MYO5B: variants seen among roughly 807,000 people sequenced by gnomAD.
MYO5B encodes unconventional myosin-Vb.
MYO5B carries 143 observed loss-of-function variants against 229.3 expected under a neutral mutation model. The observed-to-expected ratio is 0.62, with a 90% CI of 0.54 to 0.72. The LOEUF (loss-of-function observed/expected upper bound fraction) is 0.72, where lower values mean the gene tolerates loss of function less well. MYO5B is among the 30% of genes least tolerant of loss of function. MYO5B has a pLI of 0.00. For missense variants in MYO5B, 2,321 were observed against 2,331.0 expected (o/e 1.00, Z 0.09); for synonymous variants, 918 against 885.2 (o/e 1.04, Z -0.66).
At chr18:49,881,181 C>T (rs1441802551) in intron 22 of MYO5B, among the ~76,000 whole-genome samples, 1 of 152,206 alleles carries the variant, frequency 6.6e-6, no homozygotes, top group African/African-American at 2.4e-5. Flanking sequence ...ATTGGGTCCA[C>T]ATCAGCTTTC....
intron 16 of MYO5B, among the ~76,000 whole-genome samples, chr18:49,930,446 G>A (rs1159757317): frequency 1.3e-5 from 2 of 152,324 alleles, no homozygotes; most frequent in East Asian, 1.9e-4. Flanking sequence ...GAGTATGGCA[G>A]TGTAGAATAA....
At chr18:50,066,186 C>T (rs1416068565) in intron 1 of MYO5B, among the ~76,000 whole-genome samples, 1 of 152,170 alleles carries the variant, frequency 6.6e-6, no homozygotes, top group Non-Finnish European at 1.5e-5. Context: ...GAATTATTAT[C>T]AGCAAGATAG....
chr18:49,957,142 C>CAAAAAAAAAAAAAAAAAAAAAA lies in MYO5B; in HGVS notation c.1546-2729_1546-2708dup, dbSNP rs71169467. 6.8e-5 allele frequency among the ~76,000 whole-genome samples: 4 copies of CAAAAAAAAAAAAAAAAAAAAAA among 58,718 alleles called. 1 individual carries two copies. Among genetic ancestry groups the CAAAAAAAAAAAAAAAAAAAAAA allele is most frequent in the African/African-American group, 7.9e-5 (1 of 12,600 alleles). The allele number at this position is 58,718 out of a possible 152,430, so 38.5% of individuals were successfully genotyped here. On this transcript the variant is annotated intron_variant, in intron 12 of 39. Transcript: ENST00000285039. ...ACTCCTTGCTAGTAAAATAAAGTAG[C>CAAAAAAAAAAAAAAAAAAAAAA]AAAAAAAAAAAAAAAAAAAAAAAGC...
At chr18:49,863,593 C>A (rs889393633) in intron 28 of MYO5B, among the ~76,000 whole-genome samples, 1 of 152,090 alleles carries the variant, frequency 6.6e-6, no homozygotes, top group Non-Finnish European at 1.5e-5. Context: ...GGAGAGAGCA[C>A]CCAAGTCCAG....
chr18:49,929,978 C>A (rs1366581310), intron 16 of MYO5B, among the ~76,000 whole-genome samples: 2 of 152,172 alleles, frequency 1.3e-5, no homozygotes, highest in Admixed American at 6.5e-5. Context: ...ACTCACTGTC[C>A]CAAGCATATA....
At chr18:50,128,693 C>T (rs746289205) in intron 1 of MYO5B, among the ~76,000 whole-genome samples, 5 of 152,194 alleles carry the variant, frequency 3.3e-5, no homozygotes, top group Non-Finnish European at 7.3e-5. Context: ...GAGAAGGCCA[C>T]GTGCCAGCAC....
chr18:49,928,686 T>C (rs1001031656), intron 17 of MYO5B, among the ~76,000 whole-genome samples: 4 of 152,150 alleles, frequency 2.6e-5, no homozygotes, highest in South Asian at 2.1e-4. Flanking sequence ...ATGTTAATAG[T>C]AGCAGAATTT....
In MYO5B at chr18:49,950,898, C is replaced by T. The variant is rs766574281; in HGVS notation, c.1752+2362G>A. 5.5e-4 allele frequency among the ~76,000 whole-genome samples: 83 copies of T among 152,284 alleles called. 1 individual carries two copies. The highest frequency in any genetic ancestry group is 3.4e-3 in the Middle Eastern group (1 of 294). On this transcript the variant is annotated intron_variant, in intron 14 of 39. Coordinates refer to ENST00000285039, the MANE Select transcript of MYO5B (RefSeq NM_001080467.3). ...TGACCCCTGGCTGGTGTCAGGGGAA[C>T]TTGGATTTTTACCATTCCCTGATAA...
intron 6 of MYO5B, among the ~76,000 whole-genome samples, 156 bp from the exon 7 acceptor site, chr18:49,990,676 T>C (rs931766939): frequency 2.6e-5 from 4 of 152,194 alleles, no homozygotes; most frequent in Non-Finnish European, 5.9e-5. Flanking sequence ...ATTCCCACTT[T>C]CCGACTTTCT....
rs534996230 is a variant in MYO5B at position 49,961,431 on chromosome 18, G to C, written c.1545+835C>G. Among the ~76,000 whole-genome samples the C allele has an allele frequency of 1.2e-4, 18 of 152,320 alleles. No individual in the cohort carries two copies. The South Asian group carries it at 3.3e-3, about 28-fold the overall frequency. On this transcript the variant is annotated intron_variant, in intron 12 of 39. Transcript: ENST00000285039. The stretch of plus-strand genomic sequence containing the variant: ...TCATTTTCAAAGGCAACAAAACTAG[G>C]AGAGCCCTTCTGAAAGGAAACACTT...
chr18:50,148,430 C>T (rs1303962178), intron 1 of MYO5B, among the ~76,000 whole-genome samples: 1 of 151,546 alleles, frequency 6.6e-6, no homozygotes, highest in East Asian at 1.9e-4. Flanking sequence ...ATGCAAAAAT[C>T]CTCAATAAAA....
chr18:50,065,690 G>A (rs908623650), intron 1 of MYO5B, among the ~76,000 whole-genome samples: 3 of 152,082 alleles, frequency 2.0e-5, no homozygotes, highest in Admixed American at 6.5e-5. Flanking sequence ...GCCCTTCAAG[G>A]ATCCCGGACC....
chr18:50,192,080 A>G (rs978175125), intron 1 of MYO5B, among the ~76,000 whole-genome samples: 9 of 152,166 alleles, frequency 5.9e-5, no homozygotes, highest in African/African-American at 2.2e-4. Flanking sequence ...TGAGAGAAAA[A>G]AAAAAAAAAT....
chr18:50,147,158 C>T (rs866522418), intron 1 of MYO5B, among the ~76,000 whole-genome samples: 13 of 152,180 alleles, frequency 8.5e-5, no homozygotes, highest in Admixed American at 6.5e-5. Context: ...CACAGGCCAA[C>T]CCTACCCTGT....
intron 1 of MYO5B, among the ~76,000 whole-genome samples, chr18:50,140,530 A>G (rs2032401990): frequency 6.6e-6 from 1 of 152,220 alleles, no homozygotes; most frequent in Non-Finnish European, 1.5e-5. Flanking sequence ...CACACCCGCT[A>G]TAGGAAGAAA....
At chr18:50,087,670 T>C (rs1374843742) in intron 1 of MYO5B, among the ~76,000 whole-genome samples, 1 of 151,876 alleles carries the variant, frequency 6.6e-6, no homozygotes, top group Non-Finnish European at 1.5e-5. Context: ...CAGACATCAG[T>C]AAAAACCTCT....
At chr18:49,963,640 CTGGTCTCGAACTCCTGGGCTCAAG>C (rs1235483523) in intron 10 of MYO5B, among the ~76,000 whole-genome samples, 2 of 152,112 alleles carry the variant, frequency 1.3e-5, no homozygotes. Flanking sequence ...GTTGTCCAAG[CTGGTCTCGAACTCCTGGGCTCAAG>C]TGATCCATCC....
At chr18:50,007,140 G>A (rs1260356524) in intron 4 of MYO5B, among the ~76,000 whole-genome samples, 1 of 152,136 alleles carries the variant, frequency 6.6e-6, no homozygotes, top group Non-Finnish European at 1.5e-5. Context: ...CACTAAATGA[G>A]GGCTCGCTGT....
chr18:49,964,031 G>T (rs1019404578), intron 10 of MYO5B, among the ~76,000 whole-genome samples: 1 of 152,150 alleles, frequency 6.6e-6, no homozygotes, highest in Non-Finnish European at 1.5e-5. Flanking sequence ...CACACCCCCA[G>T]TGAGGACATT....
Sources: allele counts gnomAD v4.1 joint callset (sites outside exome capture counted in the v4.1 genomes callset), GRCh38; gene constraint gnomAD v4.1.1; transcripts MANE v1.5; gene names NCBI Gene and HGNC (gene_info 2026-07-23, HGNC 2026-07-21).